Variants in PDE10A observed in about 807,000 individuals in gnomAD.
PDE10A encodes the protein cAMP and cAMP-inhibited cGMP 3',5'-cyclic phosphodiesterase 10A.
PDE10A carries 39 observed loss-of-function variants against 97.7 expected under a neutral mutation model. The ratio of observed to expected loss-of-function variants is 0.40; its 90% CI spans 0.31 to 0.52. PDE10A has a LOEUF of 0.52. Ranked by LOEUF, PDE10A falls within the 20% of genes least tolerant of loss-of-function variation. The pLI, the probability that PDE10A is intolerant of heterozygous loss-of-function variation, is 0.56. For missense variants in PDE10A, 731 were observed against 1,047.8 expected, an observed-to-expected ratio of 0.70 and a Z score of 4.17; for synonymous variants, 371 against 376.8, an observed-to-expected ratio of 0.98 and a Z score of 0.18.
chr6:165,687,202 C>T (rs973011893), intron 1 of PDE10A, among the ~76,000 whole-genome samples: 6 of 152,250 alleles, frequency 3.9e-5, no homozygotes, highest in African/African-American at 1.4e-4. Context: ...GTCATGCCAG[C>T]CACGTCACCA....
chr6:165,927,647 C>CAT (rs71029572), intron 1 of PDE10A, among the ~76,000 whole-genome samples: 16,842 of 72,926 alleles, frequency 0.23, 2,066 homozygotes, highest in South Asian at 0.33. Context: ...ATGAGAATGA[C>CAT]ATATATATAT....
In PDE10A at chr6:165,662,000, G is replaced by T; in HGVS notation, c.812C>A (p.Pro271His). ...LLFGSDMEDG[P>H]SNNASCFRRL... is the part of the protein sequence containing the mutation. The stretch of plus-strand genomic sequence containing the variant: ...TCGGAAGCAGCTCGCATTATTAGAA[G>T]GTCCATCTTCCATGTCGGAGCCGAA... Residue 271 changes from proline (P) to histidine (H), a missense_variant, in exon 1 of 22, where the codon CCT becomes CAT. Physicochemically the swap from Pro to His is moderately conservative, Grantham distance 77. Coordinates refer to ENST00000539869, the MANE Select transcript of PDE10A (RefSeq NM_001385079.1). This position sits in a 1 kb window ranked among gnomAD's most constrained non-coding sequence, Gnocchi z 4.8. 1 of 1,453,674 alleles carries T rather than the reference G, an allele frequency of 6.9e-7. No homozygotes were observed. Among genetic ancestry groups the T allele is most frequent in the Non-Finnish European group, 9.4e-7 (1 of 1,065,356 alleles). 90.0% of individuals were successfully genotyped at this position (1,453,674 alleles called of 1,614,324 possible).
intron 1 of PDE10A, among the ~76,000 whole-genome samples, chr6:165,758,999 G>A (rs972503275): frequency 4.6e-5 from 7 of 152,196 alleles, no homozygotes; most frequent in African/African-American, 1.4e-4. Context: ...GAGACAAGGC[G>A]ATTTGAGGCC....
intron 3 of PDE10A, among the ~76,000 whole-genome samples, chr6:165,461,872 T>C (rs1041656635): frequency 3.3e-5 from 5 of 152,374 alleles, no homozygotes; most frequent in Non-Finnish European, 7.3e-5. Flanking sequence ...CCAAATGGTA[T>C]ATTCCTCATC....
rs1037641057 is a variant in PDE10A at position 165,621,618 on chromosome 6, T to C, written c.865+40329A>G. The stretch of plus-strand genomic sequence containing the variant: ...TAAGAATACAAAAATTAGCCAGGCA[T>C]GGTGGCGGGCGCCTGCAGTCCCAGC... On this transcript the variant is annotated intron_variant, in intron 1 of 21. Transcript: ENST00000539869. Among the ~76,000 whole-genome samples the C allele has an allele frequency of 3.9e-5, 6 of 152,212 alleles. No homozygotes were observed. The South Asian group carries it at 8.3e-4, about 21-fold the overall frequency.
chr6:165,641,459 GAACT>G (rs1386891409), intron 1 of PDE10A, among the ~76,000 whole-genome samples: 8 of 152,186 alleles, frequency 5.3e-5, no homozygotes, highest in Non-Finnish European at 1.2e-4. Flanking sequence ...GTTGATGTCT[GAACT>G]AACTGAAATC....
chr6:165,476,201 A>T (rs2128276920), intron 3 of PDE10A, among the ~76,000 whole-genome samples: 1 of 152,328 alleles, frequency 6.6e-6, no homozygotes, highest in South Asian at 2.1e-4. Flanking sequence ...AAGCGTTAGT[A>T]TTATACTAGA....
chr6:165,592,688 T>A (rs1308660104), intron 1 of PDE10A, among the ~76,000 whole-genome samples: 1 of 151,478 alleles, frequency 6.6e-6, no homozygotes, highest in Non-Finnish European at 1.5e-5. Context: ...CCAACAAACA[T>A]ATGAAAAAAA....
intron 1 of PDE10A, among the ~76,000 whole-genome samples, chr6:165,605,822 G>A (rs1355193395): frequency 2.0e-5 from 3 of 152,036 alleles, no homozygotes; most frequent in African/African-American, 2.4e-5. Context: ...TGGAGAGTGG[G>A]GAGAGAGACA....
At chr6:165,820,866 T>C (rs910954651) in intron 1 of PDE10A, among the ~76,000 whole-genome samples, 1 of 152,210 alleles carries the variant, frequency 6.6e-6, no homozygotes, top group African/African-American at 2.4e-5. Context: ...CTGGTACAAA[T>C]CGTTGGCAGC....
Position 165,354,539 on chromosome 6 carries a change from A to C in PDE10A, c.2784-11037T>G, listed in dbSNP as rs7753043. ...GGAATTCAGTTATTTGAATAATTCA[A>C]ATCAGTTGTTCAACTGAGTTACTGA... On this transcript the variant is annotated intron_variant, in intron 18 of 21. Coordinates refer to ENST00000539869, the MANE Select transcript of PDE10A (RefSeq NM_001385079.1). Among the ~76,000 whole-genome samples the C allele has an allele frequency of 6.9e-3, 1,055 of 152,304 alleles. 10 individuals carry two copies. The highest frequency in any genetic ancestry group is 0.024 in the African/African-American group (1,014 of 41,560).
chr6:165,466,993 T>G (rs952457030), intron 3 of PDE10A, among the ~76,000 whole-genome samples: 1 of 152,124 alleles, frequency 6.6e-6, no homozygotes, highest in African/African-American at 2.4e-5. Context: ...ATATGAATAA[T>G]AAGAAGAAAC....
chr6:165,405,782 G>A (rs1027351781), intron 13 of PDE10A, among the ~76,000 whole-genome samples: 3 of 152,098 alleles, frequency 2.0e-5, no homozygotes, highest in Non-Finnish European at 4.4e-5. Flanking sequence ...GAATGATTTG[G>A]AAGGGTGGAG....
At chr6:165,818,168 C>A (rs1779471756) in intron 1 of PDE10A, among the ~76,000 whole-genome samples, 1 of 152,180 alleles carries the variant, frequency 6.6e-6, no homozygotes. Flanking sequence ...CTTTCATCTG[C>A]TCGCTCACTG....
At chr6:165,460,159 G>A (rs111418651) in intron 3 of PDE10A, among the ~76,000 whole-genome samples, 26 of 152,260 alleles carry the variant, frequency 1.7e-4, no homozygotes, top group African/African-American at 4.8e-4. Flanking sequence ...GAAAAGCTGC[G>A]AGCCTTCTGC....
At chr6:165,929,631 A>G (rs981219894) in intron 1 of PDE10A, among the ~76,000 whole-genome samples, 3 of 152,216 alleles carry the variant, frequency 2.0e-5, no homozygotes, top group Non-Finnish European at 4.4e-5. Context: ...CATGAAGTCG[A>G]AAGCATATTT....
intron 2 of PDE10A, among the ~76,000 whole-genome samples, chr6:165,500,247 G>GA (rs11397869): frequency 0.3 from 45,483 of 150,202 alleles, 7,716 homozygotes; most frequent in African/African-American, 0.47. Flanking sequence ...GATTGAAAAG[G>GA]AAAAAAAAAC....
At chr6:165,456,698 G>C (rs221744) in intron 3 of PDE10A, among the ~76,000 whole-genome samples, 118,099 of 152,118 alleles carry the variant, frequency 0.78, 46,190 homozygotes, top group Middle Eastern at 0.9. Context: ...CCCTTTCCAA[G>C]ACTAAATTTC....
At chr6:165,500,221 T>C (rs1048226955) in intron 2 of PDE10A, among the ~76,000 whole-genome samples, 1 of 150,358 alleles carries the variant, frequency 6.7e-6, no homozygotes, top group East Asian at 2.0e-4. Flanking sequence ...ATAGATATTA[T>C]TCTGTATCCA....
Sources: gnomAD v4.1 joint callset for allele counts (sites outside exome capture counted in the v4.1 genomes callset) on GRCh38, gnomAD v4.1.1 for gene constraint, Gnocchi (gnomAD v3.1) non-coding constraint, MANE v1.5 for transcripts, NCBI Gene and HGNC (gene_info 2026-07-23, HGNC 2026-07-21) for gene names.